Variants in C3orf22 observed in about 807,000 individuals in gnomAD.
The protein encoded by C3orf22 is uncharacterized protein C3orf22.
A neutral mutation model predicts 10.8 loss-of-function variants in C3orf22; 7 were observed. That is an observed-to-expected ratio of 0.65 (90% CI 0.37 to 1.22). The LOEUF (loss-of-function observed/expected upper bound fraction) is 1.22, where lower values mean the gene tolerates loss of function less well. Among genes scored for constraint, C3orf22 ranks in the 50% most tolerant of loss-of-function variants. C3orf22 has a pLI of 0.02. For synonymous variants in C3orf22, 79 were observed against 78.9 expected (o/e 1.00, Z 0.00); for missense variants, 173 against 177.0 (o/e 0.98, Z 0.13).
intron 4 of C3orf22, among the ~76,000 whole-genome samples, chr3:126,543,746 G>GTGTGTA (rs919791231): frequency 5.9e-5 from 9 of 152,140 alleles, no homozygotes; most frequent in Non-Finnish European, 1.0e-4. Context: ...GAGAGGAATT[G>GTGTGTA]TGTGTATGTG....
chr3:126,529,285 A>T, exon 5 of C3orf22: 1 of 1,280,926 alleles, frequency 7.8e-7, no homozygotes, highest in African/African-American at 1.5e-5. Flanking sequence ...TCCTGTGTGC[A>T]GCAATCGCAT....
In C3orf22 at chr3:126,549,759, C is replaced by G; in HGVS notation, c.*109G>C. ...GGGGGGACCACAAACCACTCCCGGTCTATGATGGCCATGAAGGCTGATCCC... is the reference window on the plus strand; with the variant it reads ...GGGGGGACCACAAACCACTCCCGGTGTATGATGGCCATGAAGGCTGATCCC... On this transcript the variant is annotated 3_prime_UTR_variant, in exon 4 of 4. Coordinates refer to ENST00000318225, the MANE Select transcript of C3orf22 (RefSeq NM_152533.3). 6.6e-7 allele frequency: 1 copy of G among 1,508,172 alleles called. No homozygotes were observed. The highest frequency in any genetic ancestry group is 8.9e-7 in the Non-Finnish European group (1 of 1,128,224). The allele number at this position is 1,508,172 out of a possible 1,614,324, so 93.4% of individuals were successfully genotyped here.
intron 1 of C3orf22, among the ~76,000 whole-genome samples, chr3:126,553,877 G>A (rs562968217): frequency 3.3e-5 from 5 of 152,328 alleles, no homozygotes; most frequent in East Asian, 3.9e-4. Context: ...TCTAGGGTGC[G>A]GTTGTGCAGC....
chr3:126,542,073 G>C (rs1406836914), intron 4 of C3orf22: 3 of 1,584,144 alleles, frequency 1.9e-6, no homozygotes, highest in Non-Finnish European at 2.6e-6. Context: ...CTGTTCGTGC[G>C]GGAGCCCTTC....
chr3:126,534,474 C>A (rs1333460206), intron 4 of C3orf22, among the ~76,000 whole-genome samples: 1 of 151,202 alleles, frequency 6.6e-6, no homozygotes, highest in Admixed American at 6.6e-5. Context: ...AGGAGACAGA[C>A]AGACAGCATC....
intron 4 of C3orf22, among the ~76,000 whole-genome samples, chr3:126,535,035 C>A (rs1936742291): frequency 6.7e-6 from 1 of 149,340 alleles, no homozygotes; most frequent in Non-Finnish European, 1.5e-5. Flanking sequence ...AGGAGACACA[C>A]AGCATCGCTG....
intron 2 of C3orf22, 163 bp from the exon 3 acceptor site, chr3:126,552,285 A>C (rs1168587865): frequency 1.5e-6 from 1 of 660,724 alleles, no homozygotes; most frequent in African/African-American, 2.0e-5. Flanking sequence ...GGTGTTACCC[A>C]CACTTTACAG....
At chr3:126,534,962 G>A (rs1212672766) in intron 4 of C3orf22, among the ~76,000 whole-genome samples, 2 of 131,044 alleles carry the variant, frequency 1.5e-5, no homozygotes, top group Non-Finnish European at 3.2e-5. Flanking sequence ...TCCCCAGCCG[G>A]AGACAGACCA....
rs112232846 is a variant in C3orf22, at chr3:126,558,722, C to G, written c.-136G>C. ...TCCAGCAAGATGCTGGTGTGAGAGC[C>G]GCTGTGGCCCCCGAGGCTGGCAGGG... On this transcript the variant is annotated 5_prime_UTR_variant, in exon 1 of 4. Transcript: ENST00000318225. The G allele has an allele frequency of 6.6e-6, 1 of 152,406 alleles. No individual in the cohort carries two copies. Among genetic ancestry groups the G allele is most frequent in the South Asian group, 2.1e-4 (1 of 4,832 alleles). 9.4% of individuals were successfully genotyped at this position (152,406 alleles called of 1,614,324 possible).
intron 1 of C3orf22, among the ~76,000 whole-genome samples, chr3:126,556,867 TAC>T (rs369889567): frequency 0.037 from 4,857 of 130,768 alleles, 97 homozygotes; most frequent in Middle Eastern, 0.081. Flanking sequence ...CAGACTCACA[TAC>T]ACACACACAC....
Position 126,540,014 on chromosome 3 carries a change from G to A in C3orf22, c.286+9523C>T, listed in dbSNP as rs111317282. ...ACACACACACACAAATGCCACACAC[G>A]CATGCCACACACACGCACACCACAC... On this transcript the variant is annotated intron_variant and NMD_transcript_variant, in intron 4 of 5. Coordinates refer to the C3orf22 transcript ENST00000505070. Among the ~76,000 whole-genome samples the A allele has an allele frequency of 1.6e-3, 191 of 118,216 alleles. 1 individual carries two copies. In the Middle Eastern group the frequency reaches 0.018, roughly 11 times the overall value. 77.6% of individuals were successfully genotyped at this position (118,216 alleles called of 152,430 possible). A position where few individuals can be genotyped will look rare whatever the true frequency, so the allele number is the denominator to read the frequency against.
Position 126,549,722 on chromosome 3 carries a change from G to A in C3orf22, c.*146C>T. 1.3e-6 allele frequency: 2 copies of A among 1,518,630 alleles called. No individual in the cohort carries two copies. Among genetic ancestry groups the A allele is most frequent in the Non-Finnish European group, 1.8e-6 (2 of 1,135,818 alleles). 94.1% of individuals were successfully genotyped at this position (1,518,630 alleles called of 1,614,324 possible). ...TGGGAACTCGCAGTTTATTAGCTTGGTGTAGCTTTTTGGGGGGACCACAAA... is the reference window on the plus strand; with the variant it reads ...TGGGAACTCGCAGTTTATTAGCTTGATGTAGCTTTTTGGGGGGACCACAAA... On this transcript the variant is annotated 3_prime_UTR_variant, in exon 4 of 4. Coordinates refer to ENST00000318225, the MANE Select transcript of C3orf22 (RefSeq NM_152533.3).
chr3:126,550,987 T>C (rs1490748), intron 3 of C3orf22, among the ~76,000 whole-genome samples: 152,086 of 152,380 alleles, frequency 1, 75,898 homozygotes, highest in Middle Eastern at 1. Flanking sequence ...TAAGCCCCAT[T>C]GCTTCAGCTC....
At chr3:126,535,282 C>T (rs541145946) in intron 4 of C3orf22, among the ~76,000 whole-genome samples, 1 of 150,892 alleles carries the variant, frequency 6.6e-6, no homozygotes, top group South Asian at 2.1e-4. Context: ...CTGTCCTCAG[C>T]TGGAGAAAGA....
intron 4 of C3orf22, among the ~76,000 whole-genome samples, chr3:126,540,609 C>T (rs1265286481): frequency 3.3e-5 from 5 of 152,298 alleles, no homozygotes; most frequent in Middle Eastern, 3.4e-3. Context: ...CATGGATGGC[C>T]GCATACATTT....
downstream of C3orf22, among the ~76,000 whole-genome samples, chr3:126,544,923 C>T (rs566754715): frequency 2.6e-5 from 4 of 152,384 alleles, no homozygotes; most frequent in South Asian, 6.2e-4. Context: ...AGCCCAGGCC[C>T]TCGAGGACTG....
chr3:126,529,531 T>A (rs1936606389), intron 4 of C3orf22, among the ~76,000 whole-genome samples: 1 of 152,158 alleles, frequency 6.6e-6, no homozygotes, highest in Admixed American at 6.5e-5. Context: ...CAAGTTTCTT[T>A]GCCTCAGTTT....
chr3:126,553,327 T>C lies in C3orf22; in HGVS notation c.64A>G (p.Asn22Asp). 1 of 1,614,020 alleles carries C rather than the reference T, an allele frequency of 6.2e-7. No individual in the cohort carries two copies. Among genetic ancestry groups the C allele is most frequent in the Middle Eastern group, 1.7e-4 (1 of 6,060 alleles). ...CTGTACGGAAACTTCTTGGCAAAAT[T>C]CTCCTGGGCCTGGATCCTCCACTTC... ...SKKWRIQAQE[N>D]FAKKFPYRLS... The change falls in exon 2 of 4, where the codon AAT (asparagine) becomes GAT (aspartate). Residue 22 changes from asparagine (N) to aspartate (D), a missense_variant. Transcript: ENST00000318225.
At chr3:126,533,073 A>G (rs1354211784) in intron 4 of C3orf22, among the ~76,000 whole-genome samples, 1 of 152,178 alleles carries the variant, frequency 6.6e-6, no homozygotes, top group Admixed American at 6.5e-5. Flanking sequence ...ACTTTTGTAT[A>G]TTAATCTTGC....
Sources: allele counts gnomAD v4.1 joint callset (sites outside exome capture counted in the v4.1 genomes callset), GRCh38; gene constraint gnomAD v4.1.1; transcripts MANE v1.5; gene names NCBI Gene and HGNC (gene_info 2026-07-23, HGNC 2026-07-21).